The following STAC variants were observed in gnomAD, a reference collection of about 807,000 sequenced individuals.
STAC encodes the protein SH3 and cysteine-rich domain-containing protein.
Under a neutral mutation model 48.8 loss-of-function variants are expected in STAC, and 43 were observed. The observed-to-expected ratio is 0.88, with a 90% CI of 0.69 to 1.14. The LOEUF (loss-of-function observed/expected upper bound fraction) is 1.14, where lower values mean the gene tolerates loss of function less well. STAC is among the 50% of genes most tolerant of loss of function. The pLI is 0.00. For synonymous variants in STAC, 193 were observed against 179.5 expected (o/e 1.07, Z -0.60); for missense variants, 497 against 504.0 (o/e 0.99, Z 0.13).
At chr3:36,491,867 A>T (rs1315205498) in intron 5 of STAC, among the ~76,000 whole-genome samples, 1 of 150,588 alleles carries the variant, frequency 6.6e-6, no homozygotes, top group African/African-American at 2.4e-5. Flanking sequence ...TACAAAAATT[A>T]GCCAGGCATG....
chr3:36,481,324 CT>C (rs375772829), intron 2 of STAC, among the ~76,000 whole-genome samples: 83 of 152,258 alleles, frequency 5.5e-4, no homozygotes, highest in African/African-American at 1.9e-3. Context: ...CAGAGAGAAC[CT>C]GCTGAAAGAT....
At position 36,407,006 on chromosome 3, in the gene STAC, A is replaced by C. The variant is rs74513537; in HGVS notation, c.111+26252A>C. Among the ~76,000 whole-genome samples, 172 of 152,326 alleles carry C rather than the reference A, an allele frequency of 1.1e-3. 3 individuals are homozygous for C. In the East Asian group the frequency reaches 0.026, roughly 23 times the overall value. ...CTTGGGCAAATGGATTAACCGCTCT[A>C]AATTCACGTTCCTCATCAACAAAAT... is the stretch of plus-strand genomic sequence containing the variant. On this transcript the variant is annotated intron_variant, in intron 1 of 10. Coordinates refer to ENST00000273183, the MANE Select transcript of STAC (RefSeq NM_003149.3).
intron 1 of STAC, among the ~76,000 whole-genome samples, chr3:36,381,010 G>A (rs1351361191): frequency 6.6e-6 from 1 of 152,114 alleles, no homozygotes; most frequent in African/African-American, 2.4e-5. Flanking sequence ...GATTTCTTGC[G>A]GGGTGGTAGC....
intron 1 of STAC, among the ~76,000 whole-genome samples, chr3:36,436,986 A>G (rs1700849922): frequency 6.6e-6 from 1 of 151,892 alleles, no homozygotes; most frequent in African/African-American, 2.4e-5. Context: ...GACACTTCTC[A>G]AAAGAAGACA....
At chr3:36,390,622 C>T (rs924323236) in intron 1 of STAC, among the ~76,000 whole-genome samples, 9 of 151,890 alleles carry the variant, frequency 5.9e-5, no homozygotes, top group African/African-American at 1.9e-4. Context: ...ATTATTTTTA[C>T]ATCCACATAC....
intron 1 of STAC, among the ~76,000 whole-genome samples, chr3:36,421,537 G>A (rs1276278663): frequency 6.6e-6 from 1 of 151,858 alleles, no homozygotes; most frequent in Non-Finnish European, 1.5e-5. Flanking sequence ...TTCACCACAC[G>A]ACCTGACACA....
chr3:36,468,647 C>A (rs1035607111), intron 2 of STAC, among the ~76,000 whole-genome samples: 34 of 147,268 alleles, frequency 2.3e-4, no homozygotes, highest in African/African-American at 8.1e-4. Flanking sequence ...TTTATATGCA[C>A]CTGCTGTTAT....
chr3:36,382,452 C>T (rs1699531589), intron 1 of STAC, among the ~76,000 whole-genome samples: 1 of 152,094 alleles, frequency 6.6e-6, no homozygotes, highest in Admixed American at 6.6e-5. Context: ...CATAATTATC[C>T]ACCAATTTAT....
At chr3:36,513,304 C>A (rs1048113940) in intron 8 of STAC, among the ~76,000 whole-genome samples, 2 of 152,198 alleles carry the variant, frequency 1.3e-5, no homozygotes, top group Non-Finnish European at 1.5e-5. Context: ...CACAAACCTG[C>A]CCCTTAGGAT....
chr3:36,408,076 A>G (rs1415874484), intron 1 of STAC, among the ~76,000 whole-genome samples: 1 of 152,202 alleles, frequency 6.6e-6, no homozygotes, highest in African/African-American at 2.4e-5. Flanking sequence ...CTAGAAGCTT[A>G]CTTCTTCAAG....
At chr3:36,519,331 C>T (rs1575257697) in intron 8 of STAC, among the ~76,000 whole-genome samples, 1 of 152,140 alleles carries the variant, frequency 6.6e-6, no homozygotes, top group African/African-American at 2.4e-5. Context: ...GCTCATATTC[C>T]AGTGAGAAAA....
chr3:36,400,270 C>T (rs1048758866), intron 1 of STAC, among the ~76,000 whole-genome samples: 6 of 152,164 alleles, frequency 3.9e-5, no homozygotes, highest in Non-Finnish European at 7.4e-5. Flanking sequence ...TATAAATAGA[C>T]ACACAGCACT....
chr3:36,529,005 A>T lies in STAC; in HGVS notation c.1110+20A>T. ...AATCAGGTGAGTAAACCACACAAAC[A>T]CATTCCAGATATGAGCCAAATAGGG... On this transcript the variant is annotated intron_variant, in intron 10 of 10. Coordinates refer to ENST00000273183, the MANE Select transcript of STAC (RefSeq NM_003149.3). 1 of 1,583,970 alleles carries T rather than the reference A, an allele frequency of 6.3e-7. No individual in the cohort carries two copies. The highest frequency in any genetic ancestry group is 8.6e-7 in the Non-Finnish European group (1 of 1,162,700).
chr3:36,505,923 T>C, intron 8 of STAC, 89 bp downstream of exon 8: 2 of 795,666 alleles, frequency 2.5e-6, no homozygotes, highest in Non-Finnish European at 2.0e-6. Flanking sequence ...GTGCCCCTCC[T>C]AATGCTTTAT....
chr3:36,495,887 C>A (rs187300164), intron 6 of STAC, among the ~76,000 whole-genome samples: 1 of 152,310 alleles, frequency 6.6e-6, no homozygotes, highest in African/African-American at 2.4e-5. Flanking sequence ...AAGTTTCAGG[C>A]CATTCCACAC....
intron 10 of STAC, among the ~76,000 whole-genome samples, chr3:36,530,049 G>T: frequency 6.6e-6 from 1 of 152,190 alleles, no homozygotes; most frequent in African/African-American, 2.4e-5. Context: ...GAACCAGGGA[G>T]GTGGAGGCTG....
At chr3:36,439,893 G>C (rs79491237) in intron 1 of STAC, among the ~76,000 whole-genome samples, 25,969 of 152,134 alleles carry the variant, frequency 0.17, 2,704 homozygotes, top group Admixed American at 0.22. Context: ...AGATACACTA[G>C]CTTATGCCTC....
intron 1 of STAC, among the ~76,000 whole-genome samples, chr3:36,383,915 A>T (rs529176936): frequency 6.6e-6 from 1 of 152,362 alleles, no homozygotes; most frequent in African/African-American, 2.4e-5. Context: ...CCCGTCTTGG[A>T]CTTTGGTATC....
intron 6 of STAC, among the ~76,000 whole-genome samples, chr3:36,503,297 T>C (rs915919019): frequency 6.6e-6 from 1 of 152,178 alleles, no homozygotes; most frequent in African/African-American, 2.4e-5. Flanking sequence ...AGCTATGACA[T>C]AAGTTATGGA....
Sources: gnomAD v4.1 joint callset for allele counts (sites outside exome capture counted in the v4.1 genomes callset) on GRCh38, gnomAD v4.1.1 for gene constraint, MANE v1.5 for transcripts, NCBI Gene and HGNC (gene_info 2026-07-23, HGNC 2026-07-21) for gene names.